The following URB2 variants were observed in gnomAD, a reference collection of about 807,000 sequenced individuals.
URB2 encodes URB2 ribosome biogenesis homolog.
Under a neutral mutation model 120.9 loss-of-function variants are expected in URB2, and 86 were observed. The observed-to-expected ratio is 0.71, with a 90% CI of 0.60 to 0.85. The LOEUF is 0.85. URB2 is among the 40% of genes least tolerant of loss of function. URB2 has a pLI of 0.00. For synonymous variants in URB2, 755 were observed against 758.4 expected (o/e 1.00, Z 0.07); for missense variants, 1,765 against 1,836.5 (o/e 0.96, Z 0.71).
chr1:229,645,175 C>T (rs1339109146), intron 5 of URB2, among the ~76,000 whole-genome samples: 1 of 151,804 alleles, frequency 6.6e-6, no homozygotes, highest in Non-Finnish European at 1.5e-5. Context: ...ATCCCAGCCA[C>T]CTGGGAGGCT....
intron 3 of URB2, 50 bp from the exon 4 acceptor site, chr1:229,634,867 T>G: frequency 6.9e-7 from 1 of 1,442,942 alleles, no homozygotes; most frequent in Non-Finnish European, 9.2e-7. Flanking sequence ...TTCTTGTGTA[T>G]GTATGGGTTT....
At chr1:229,651,023 T>C (rs965349612) in intron 7 of URB2, 4 of 324,996 alleles carry the variant, frequency 1.2e-5, no homozygotes, top group African/African-American at 8.5e-5. Flanking sequence ...CCCTAGATAG[T>C]TAAAACAAGG....
chr1:229,652,794 G>A (rs1666311956), intron 8 of URB2, among the ~76,000 whole-genome samples: 1 of 152,232 alleles, frequency 6.6e-6, no homozygotes, highest in Non-Finnish European at 1.5e-5. Flanking sequence ...CAGTGGTGGA[G>A]CACAGCCTGG....
intron 7 of URB2, 40 bp from the exon 8 acceptor site, chr1:229,651,195 T>A (rs777320745): frequency 8.0e-5 from 123 of 1,533,672 alleles, no homozygotes; most frequent in Non-Finnish European, 9.9e-5. Flanking sequence ...ACTTAAATAA[T>A]CACGTATGTA....
At chr1:229,628,269 A>ATTATACATATATTAT (rs71173753) in intron 2 of URB2, among the ~76,000 whole-genome samples, 1 of 147,676 alleles carries the variant, frequency 6.8e-6, no homozygotes, top group African/African-American at 2.5e-5. Context: ...ATATGTATAT[A>ATTATACATATATTAT]AATTAGTCAG....
chr1:229,628,109 G>GT (rs1263539822), intron 2 of URB2, among the ~76,000 whole-genome samples: 2 of 128,432 alleles, frequency 1.6e-5, no homozygotes, highest in African/African-American at 6.1e-5. Context: ...TATTATATAT[G>GT]TATATATATG....
rs989520559 is a variant in URB2, at chr1:229,635,747, C to T, written c.1134C>T (p.Asp378=). 6.2e-7 allele frequency: 1 copy of T among 1,614,076 alleles called. No individual in the cohort carries two copies. The highest frequency in any genetic ancestry group is 8.5e-7 in the Non-Finnish European group (1 of 1,180,054). Residue 378 remains aspartate (D), a synonymous_variant, in exon 4 of 10, where the codon GAC becomes GAT. Coordinates refer to ENST00000258243, the MANE Select transcript of URB2 (RefSeq NM_014777.4). The part of the protein sequence containing the change: ...ANNNIYNIAA[D]RIRHEEAQFR... ...ACAATATCTACAACATCGCTGCCGA[C>T]AGAATTCGGCACGAAGAGGCTCAGT...
chr1:229,658,974 A>AT (rs1314936641), intron 9 of URB2, 126 bp from the exon 10 acceptor site: 14 of 871,490 alleles, frequency 1.6e-5, no homozygotes, highest in South Asian at 1.2e-4. Flanking sequence ...GTGAATGTCG[A>AT]TTTTTTTCTC....
chr1:229,644,574 A>G (rs1311897693), intron 5 of URB2, among the ~76,000 whole-genome samples: 2 of 152,088 alleles, frequency 1.3e-5, no homozygotes, highest in Non-Finnish European at 2.9e-5. Flanking sequence ...TGCAAGAGTG[A>G]GAAGATGGAC....
chr1:229,628,651 G>C (rs1665591655), intron 2 of URB2, among the ~76,000 whole-genome samples: 2 of 152,282 alleles, frequency 1.3e-5, no homozygotes, highest in East Asian at 3.9e-4. Flanking sequence ...TGAAGGTTGG[G>C]AAGTAGAGAA....
chr1:229,659,067 A>T (rs754081971), intron 9 of URB2, 33 bp from the exon 10 acceptor site: 9 of 1,596,556 alleles, frequency 5.6e-6, no homozygotes, highest in Non-Finnish European at 1.7e-6. Context: ...TCTGCCCCCA[A>T]TTGTTCTCAC....
intron 1 of URB2, among the ~76,000 whole-genome samples, chr1:229,627,074 G>A (rs562804725): frequency 8.5e-5 from 13 of 152,216 alleles, no homozygotes; most frequent in African/African-American, 2.9e-4. Flanking sequence ...CCTTGTGCAA[G>A]TATCTCTTGT....
intron 2 of URB2, among the ~76,000 whole-genome samples, chr1:229,631,825 T>G (rs1253581478): frequency 6.6e-6 from 1 of 152,168 alleles, no homozygotes; most frequent in Non-Finnish European, 1.5e-5. Context: ...TTGGAAATAC[T>G]GGGAGAATTA....
chr1:229,638,268 C>A, intron 4 of URB2, 21 bp downstream of exon 4: 1 of 1,566,090 alleles, frequency 6.4e-7, no homozygotes, highest in Non-Finnish European at 8.6e-7. Context: ...TTCTCTTGAG[C>A]TAATTCTGTG....
chr1:229,638,417 G>A (rs1295720959), intron 4 of URB2, among the ~76,000 whole-genome samples, 170 bp downstream of exon 4: 5 of 152,062 alleles, frequency 3.3e-5, no homozygotes, highest in African/African-American at 1.2e-4. Flanking sequence ...AGGCCGAGGC[G>A]GGCGGATCAC....
intron 7 of URB2, among the ~76,000 whole-genome samples, chr1:229,648,328 T>C (rs987896614): frequency 2.0e-5 from 3 of 152,194 alleles, no homozygotes; most frequent in African/African-American, 7.2e-5. Flanking sequence ...CCCAAAGCTT[T>C]AGGATAAGGC....
At chr1:229,651,474 A>G in intron 8 of URB2, 152 bp downstream of exon 8, 2 of 615,576 alleles carry the variant, frequency 3.2e-6, no homozygotes, top group Non-Finnish European at 5.0e-6. Context: ...ATTTTTTAAA[A>G]TTTCAAATGG....
rs1306245281 is a variant in URB2, at chr1:229,643,510, A to AT, written c.3635-19dup. On this transcript the variant is annotated intron_variant, in intron 4 of 9. Transcript: ENST00000258243. ...TTATTTCACCTGTCACATCTTAACA[A>AT]TTTTGGTTTCTTTCCCACACAGATC... 4 of 1,613,614 alleles carry AT rather than the reference A, an allele frequency of 2.5e-6. No individual in the cohort carries two copies. In the South Asian group the frequency reaches 4.4e-5, roughly 18 times the overall value.
In URB2 at chr1:229,636,968, C is replaced by T; in HGVS notation, c.2355C>T (p.Tyr785=). ...AQEVSIDEEA[Y]ITLEKISKAF... is the part of the protein sequence containing the mutation. Reference sequence around the variant, plus strand: ...AAGTCTCAATAGATGAAGAGGCATACATCACACTGGAAAAAATATCCAAAG... The same window carrying T: ...AAGTCTCAATAGATGAAGAGGCATATATCACACTGGAAAAAATATCCAAAG... The change falls in exon 4 of 10, where the codon TAC becomes TAT. Residue 785 remains tyrosine (Y), a synonymous_variant. Transcript: ENST00000258243. The T allele has an allele frequency of 2.5e-6, 4 of 1,614,118 alleles. No individual in the cohort carries two copies. Among genetic ancestry groups the T allele is most frequent in the Non-Finnish European group, 3.4e-6 (4 of 1,180,022 alleles).
Sources: allele counts gnomAD v4.1 joint callset (sites outside exome capture counted in the v4.1 genomes callset), GRCh38; gene constraint gnomAD v4.1.1; transcripts MANE v1.5; gene names NCBI Gene and HGNC (gene_info 2026-07-23, HGNC 2026-07-21).